Variants in SCAPER observed in about 807,000 individuals in gnomAD.
The protein encoded by SCAPER is S phase cyclin A-associated protein in the endoplasmic reticulum.
In SCAPER, 98 loss-of-function variants were observed where a neutral mutation model predicts 182.2. The ratio of observed to expected loss-of-function variants is 0.54; its 90% CI spans 0.46 to 0.64. SCAPER has a LOEUF of 0.64. Among genes scored for constraint, SCAPER ranks in the 30% least tolerant of loss-of-function variants. The probability of loss-of-function intolerance (pLI) is 0.00; values close to 1 mark genes in which losing one functional copy is unlikely to be tolerated. For synonymous variants in SCAPER, 605 were observed against 564.6 expected (o/e 1.07, Z -1.01); for missense variants, 1,432 against 1,690.0 (o/e 0.85, Z 2.68).
chr15:76,677,384 G>A (rs2057427731), intron 20 of SCAPER, among the ~76,000 whole-genome samples: 1 of 143,614 alleles, frequency 7.0e-6, no homozygotes, highest in Non-Finnish European at 1.6e-5. Context: ...TAAACTGTGA[G>A]TCAAGAGATC....
chr15:76,867,054 TA>T (rs1568370938), intron 2 of SCAPER, among the ~76,000 whole-genome samples: 1 of 152,206 alleles, frequency 6.6e-6, no homozygotes, highest in African/African-American at 2.4e-5. Flanking sequence ...TTACAATAGT[TA>T]CCAAAGAGGC....
intron 23 of SCAPER, among the ~76,000 whole-genome samples, chr15:76,546,003 C>A (rs1380580856): frequency 6.6e-6 from 1 of 152,084 alleles, no homozygotes; most frequent in Non-Finnish European, 1.5e-5. Flanking sequence ...TCCTGATCAG[C>A]CAGCGGAAAG....
At chr15:76,828,083 C>T (rs907511594) in intron 5 of SCAPER, among the ~76,000 whole-genome samples, 2 of 152,006 alleles carry the variant, frequency 1.3e-5, no homozygotes, top group African/African-American at 2.4e-5. Context: ...AGGCTCAGCC[C>T]CCTCACCATG....
At chr15:76,611,999 C>G (rs531187499) in intron 22 of SCAPER, among the ~76,000 whole-genome samples, 71 of 152,230 alleles carry the variant, frequency 4.7e-4, no homozygotes, top group Admixed American at 1.0e-3. Context: ...ACTAAACAGG[C>G]AAAACCTGGA....
In SCAPER at chr15:76,701,742, C is replaced by T. The variant is rs745509316; in HGVS notation, c.2508+16G>A. On this transcript the variant is annotated intron_variant, in intron 20 of 31. Transcript: ENST00000563290. ...TACTCAATAAACAATTGTAAATGAA[C>T]AAAAATAAAGTTTACCACTTCTTCA... 1.3e-6 allele frequency: 2 copies of T among 1,599,358 alleles called. No homozygotes were observed. The highest frequency in any genetic ancestry group is 1.7e-6 in the Non-Finnish European group (2 of 1,167,022).
rs2044690270 is a variant in SCAPER at position 76,404,563 on chromosome 15, A to G, written c.3428T>C (p.Leu1143Ser). Residue 1143 changes from leucine (L) to serine (S), a missense_variant, in exon 27 of 32, where the codon TTA (leucine) becomes TCA (serine). Leu to Ser is a moderately radical substitution (Grantham distance 145). Around this residue, in one of 5 missense-constraint regions of SCAPER, gnomAD observed 718 missense variants for 799.7 expected, o/e 0.90. Transcript: ENST00000563290. Reference protein sequence around the residue: ...AIFLQHAAGLLHAMCTLCFAV... With the variant: ...AIFLQHAAGLSHAMCTLCFAV... ...AAAGCACAGTGTACACATTGCATGT[A>G]AGAGTCCTGCGGCATGCTGCAGAAA... 3 of 1,613,562 alleles carry G rather than the reference A, an allele frequency of 1.9e-6. No homozygotes were observed. Among genetic ancestry groups the G allele is most frequent in the Middle Eastern group, 1.7e-4 (1 of 6,060 alleles).
intron 15 of SCAPER, among the ~76,000 whole-genome samples, chr15:76,744,793 T>C (rs1257100319): frequency 1.3e-5 from 2 of 152,082 alleles, no homozygotes; most frequent in Non-Finnish European, 1.5e-5. Context: ...GATATACCCA[T>C]TGGAAAACAA....
Position 76,787,317 on chromosome 15 carries a change from G to A in SCAPER, c.772+7963C>T, listed in dbSNP as rs564314112. Among the ~76,000 whole-genome samples, 26 of 152,134 alleles carry A rather than the reference G, an allele frequency of 1.7e-4. No individual in the cohort carries two copies. In the Middle Eastern group the frequency reaches 0.024, roughly 139 times the overall value. ...ATATAGAACCCAGAAATACACCCAC[G>A]CTTATATGGCCAGCTAATTTTTTAT... On this transcript the variant is annotated intron_variant, in intron 8 of 31. Transcript: ENST00000563290.
At position 76,580,774 on chromosome 15, in the gene SCAPER, C is replaced by T. The variant is rs182507431; in HGVS notation, c.2712-6490G>A. ...AAAGAACGAGAAAAGCAAGAGCAAT[C>T]CAAACCCCAAATTAGAAGAAAAGAA... On this transcript the variant is annotated intron_variant, in intron 22 of 31. Transcript: ENST00000563290. Among the ~76,000 whole-genome samples the T allele has an allele frequency of 6.1e-4, 92 of 152,024 alleles. 1 individual carries two copies. The highest frequency in any genetic ancestry group is 4.4e-4 in the Non-Finnish European group (30 of 67,968).
intron 17 of SCAPER, among the ~76,000 whole-genome samples, chr15:76,714,114 G>C (rs1377910938): frequency 6.6e-6 from 1 of 152,092 alleles, no homozygotes; most frequent in Admixed American, 6.6e-5. Flanking sequence ...AAATAGTGCA[G>C]AGTAAAAGAT....
chr15:76,502,161 T>C (rs1430370276), intron 24 of SCAPER, among the ~76,000 whole-genome samples: 1 of 152,214 alleles, frequency 6.6e-6, no homozygotes. Flanking sequence ...CACAAATCTA[T>C]TGTGAATAGT....
At position 76,883,850 on chromosome 15, in the gene SCAPER, A is replaced by G; in HGVS notation, c.-33T>C. On this transcript the variant is annotated 5_prime_UTR_variant, in exon 2 of 32. Transcript: ENST00000563290. ...ATTCTCTTCTATGCCAAGATCATTT[A>G]TCACATAAACCCATGGAGTATGACT... 6.6e-7 allele frequency: 1 copy of G among 1,505,182 alleles called. No individual in the cohort carries two copies. Among genetic ancestry groups the G allele is most frequent in the Non-Finnish European group, 9.0e-7 (1 of 1,109,168 alleles). The allele number at this position is 1,505,182 out of a possible 1,614,324, so 93.2% of individuals were successfully genotyped here.
chr15:76,361,979 T>G (rs1362100749), intron 29 of SCAPER, among the ~76,000 whole-genome samples: 2 of 141,164 alleles, frequency 1.4e-5, no homozygotes, highest in East Asian at 3.9e-4. Context: ...TTAAACACAT[T>G]TTTTTTTTTT....
At chr15:76,829,871 A>C (rs2068304350) in intron 5 of SCAPER, among the ~76,000 whole-genome samples, 2 of 152,164 alleles carry the variant, frequency 1.3e-5, no homozygotes, top group African/African-American at 4.8e-5. Flanking sequence ...TGTTGTTTCT[A>C]TCCTCATGGA....
chr15:76,608,050 T>C (rs2050611803), intron 22 of SCAPER, among the ~76,000 whole-genome samples: 1 of 152,256 alleles, frequency 6.6e-6, no homozygotes, highest in Non-Finnish European at 1.5e-5. Flanking sequence ...CTTTGCTCTG[T>C]TGCTGGTGAG....
intron 2 of SCAPER, among the ~76,000 whole-genome samples, chr15:76,864,358 T>C (rs1439287019): frequency 2.0e-5 from 3 of 152,238 alleles, no homozygotes; most frequent in African/African-American, 4.8e-5. Context: ...TGCTAACCCA[T>C]ACTCCTATGA....
At chr15:76,854,410 A>G (rs1185764167) in intron 4 of SCAPER, among the ~76,000 whole-genome samples, 1 of 152,210 alleles carries the variant, frequency 6.6e-6, no homozygotes, top group Non-Finnish European at 1.5e-5. Context: ...CAGGGAGGAG[A>G]AACATCTCCA....
intron 5 of SCAPER, among the ~76,000 whole-genome samples, chr15:76,829,190 A>C (rs369967669): frequency 4.6e-5 from 7 of 152,208 alleles, no homozygotes; most frequent in African/African-American, 1.4e-4. Flanking sequence ...ATTCTAAGTG[A>C]AGTAACTCAA....
intron 25 of SCAPER, among the ~76,000 whole-genome samples, chr15:76,465,952 G>A (rs1204378244): frequency 6.6e-6 from 1 of 152,070 alleles, no homozygotes; most frequent in Non-Finnish European, 1.5e-5. Flanking sequence ...AGTCTGATGT[G>A]TGTTCCCTAG....
Sources: gnomAD v4.1 joint callset for allele counts (sites outside exome capture counted in the v4.1 genomes callset) on GRCh38, gnomAD v4.1.1 for gene constraint, gnomAD v4.1.1 regional missense constraint, MANE v1.5 for transcripts, NCBI Gene and HGNC (gene_info 2026-07-23, HGNC 2026-07-21) for gene names.